Variants in ARHGAP6 observed in about 807,000 individuals in gnomAD.
ARHGAP6 encodes Rho GTPase activating protein 6.
In ARHGAP6, 16 loss-of-function variants were observed where a neutral mutation model predicts 55.7. That is an observed-to-expected ratio of 0.29 (90% CI 0.19 to 0.44). ARHGAP6 has a LOEUF of 0.44. ARHGAP6 is among the 20% of genes least tolerant of loss of function. ARHGAP6 has a pLI of 1.00. For synonymous variants in ARHGAP6, 382 were observed against 360.9 expected (o/e 1.06, Z -0.66); for missense variants, 698 against 808.9 (o/e 0.86, Z 1.66).
At chrX:11,218,881 CTATTT>C (rs2046919858) in intron 2 of ARHGAP6, among the ~76,000 whole-genome samples, 1 of 108,242 alleles carries the variant, frequency 9.2e-6, no homozygotes, top group African/African-American at 3.4e-5. Flanking sequence ...GGCTAGCAGT[CTATTT>C]TGTTTTTTTT....
At chrX:11,273,337 T>C (rs529909790) in intron 1 of ARHGAP6, among the ~76,000 whole-genome samples, 71 of 110,187 alleles carry the variant, frequency 6.4e-4, no homozygotes, top group Admixed American at 1.1e-3. Flanking sequence ...TTTCTTGACT[T>C]CCATGCCACC....
chrX:11,284,826 A>C (rs905778820), intron 1 of ARHGAP6, among the ~76,000 whole-genome samples: 4 of 111,192 alleles, frequency 3.6e-5, no homozygotes, highest in African/African-American at 1.3e-4. Flanking sequence ...AATATTTAAC[A>C]GCATCTCTGG....
rs775840815 is a variant in ARHGAP6 at position 11,176,526 on chromosome X, C to A, written c.1629+1574G>T. The stretch of plus-strand genomic sequence containing the variant: ...TCTGAAAATGATTCTAAAAGGGCAA[C>A]AATGAGTTCGATTGGAACTTTTGCT... On this transcript the variant is annotated intron_variant, in intron 8 of 12. Transcript: ENST00000337414. 8.5e-5 allele frequency among the ~76,000 whole-genome samples: 9 copies of A among 105,633 alleles called. No homozygotes were observed. The South Asian group carries it at 3.5e-3, about 41-fold the overall frequency. 91.7% of individuals were successfully genotyped at this position (105,633 alleles called of 115,157 possible).
intron 1 of ARHGAP6, among the ~76,000 whole-genome samples, chrX:11,309,719 A>G (rs1179172596): frequency 8.9e-6 from 1 of 111,948 alleles, no homozygotes; most frequent in Non-Finnish European, 1.9e-5. Flanking sequence ...CAGAATCTGA[A>G]GAACTCTTAC....
At chrX:11,300,687 T>G in intron 1 of ARHGAP6, 2 of 1,002,175 alleles carry the variant, frequency 2.0e-6, no homozygotes, top group Non-Finnish European at 1.4e-6. Context: ...TGATTTTTGC[T>G]TATAATCACT....
At chrX:11,339,831 C>A (rs1054841375) in intron 1 of ARHGAP6, among the ~76,000 whole-genome samples, 6 of 110,902 alleles carry the variant, frequency 5.4e-5, no homozygotes, top group Non-Finnish European at 1.1e-4. Flanking sequence ...TTTTCCAATA[C>A]AAACTTGTTT....
intron 1 of ARHGAP6, among the ~76,000 whole-genome samples, chrX:11,578,008 C>T (rs1054256815): frequency 1.8e-5 from 2 of 110,173 alleles, no homozygotes; most frequent in African/African-American, 3.3e-5. Flanking sequence ...CATGAGTGTA[C>T]TACTTAAATT....
At chrX:11,516,491 T>C (rs1403918648) in intron 1 of ARHGAP6, among the ~76,000 whole-genome samples, 1 of 112,244 alleles carries the variant, frequency 8.9e-6, no homozygotes, top group Non-Finnish European at 1.9e-5. Flanking sequence ...ATATTTTCAA[T>C]ATCTCACCAA....
intron 1 of ARHGAP6, among the ~76,000 whole-genome samples, chrX:11,505,192 A>C (rs962322256): frequency 9.0e-6 from 1 of 111,095 alleles, no homozygotes; most frequent in Non-Finnish European, 1.9e-5. Context: ...CAGCCTAGGC[A>C]GGTTGTGTTC....
intron 1 of ARHGAP6, among the ~76,000 whole-genome samples, chrX:11,407,825 G>A (rs1190543811): frequency 1.8e-5 from 2 of 111,546 alleles, no homozygotes; most frequent in Admixed American, 9.5e-5. Flanking sequence ...GGAGTTGAAC[G>A]GGGAGGAGGT....
intron 1 of ARHGAP6, among the ~76,000 whole-genome samples, chrX:11,275,362 G>A (rs1037480851): frequency 3.6e-5 from 4 of 111,581 alleles, no homozygotes; most frequent in African/African-American, 1.3e-4. Context: ...AATAAAATTA[G>A]GGGCAATGAT....
At chrX:11,358,467 TTCTTTCTTTCTTTCTTTC>T (rs1330117121) in intron 1 of ARHGAP6, among the ~76,000 whole-genome samples, 1 of 96,666 alleles carries the variant, frequency 1.0e-5, no homozygotes, top group African/African-American at 4.0e-5. Context: ...CTTTCTTTCT[TTCTTTCTTTCTTTCTTTC>T]TTTTTTTTTT....
At chrX:11,174,960 G>T (rs760082304) in intron 8 of ARHGAP6, among the ~76,000 whole-genome samples, 1 of 110,187 alleles carries the variant, frequency 9.1e-6, no homozygotes, top group South Asian at 3.9e-4. Flanking sequence ...CAAAGTGCTG[G>T]GATTACAGGC....
chrX:11,410,331 G>A (rs2049664649), intron 1 of ARHGAP6, among the ~76,000 whole-genome samples: 1 of 112,404 alleles, frequency 8.9e-6, no homozygotes, highest in Admixed American at 9.4e-5. Flanking sequence ...TGCAACATGG[G>A]TGAACCTCGA....
intron 1 of ARHGAP6, among the ~76,000 whole-genome samples, chrX:11,572,427 G>C (rs1382669778): frequency 4.5e-5 from 5 of 110,083 alleles, no homozygotes; most frequent in African/African-American, 1.7e-4. Context: ...CTATGAGTGA[G>C]AACACAAGGT....
chrX:11,380,438 G>A (rs1026157323), intron 1 of ARHGAP6, among the ~76,000 whole-genome samples: 15 of 111,835 alleles, frequency 1.3e-4, no homozygotes, highest in African/African-American at 4.9e-4. Context: ...ACTTCTATGC[G>A]ACAACGGAAC....
chrX:11,577,267 A>G, intron 1 of ARHGAP6, among the ~76,000 whole-genome samples: 1 of 112,207 alleles, frequency 8.9e-6, no homozygotes, highest in Non-Finnish European at 1.9e-5. Flanking sequence ...TAGGGGAGTG[A>G]GAGGCAATGA....
At position 11,188,797 on chromosome X, in the gene ARHGAP6, T is replaced by G. The variant is rs769576356; in HGVS notation, c.1008A>C (p.Ser336=). 2.6e-5 allele frequency: 32 copies of G among 1,210,170 alleles called. No homozygotes were observed. The highest frequency in any genetic ancestry group is 4.4e-5 in the Admixed American group (2 of 45,800). Residue 336 remains serine (S), a synonymous_variant, in exon 4 of 13, where the codon TCA becomes TCC. Coordinates refer to ENST00000337414, the MANE Select transcript of ARHGAP6 (RefSeq NM_013427.3). Reference sequence around the variant, plus strand: ...TTGACTCATTCGGTGTTTCTGAGGTTGAGCTGAGAGATGAGTTACTGCTTG... The same window carrying G: ...TTGACTCATTCGGTGTTTCTGAGGTGGAGCTGAGAGATGAGTTACTGCTTG... The part of the protein sequence containing the change: ...ELSSSNSSLS[S]TSETPNESTS...
Position 11,179,310 on chromosome X carries a change from T to G in ARHGAP6, c.1472A>C (p.Asn491Thr). The G allele has an allele frequency of 2.5e-6, 3 of 1,203,950 alleles. No individual in the cohort carries two copies. The highest frequency in any genetic ancestry group is 3.4e-6 in the Non-Finnish European group (3 of 891,745). Residue 491 changes from asparagine to threonine, a missense_variant, in exon 7 of 13, where the codon AAC (asparagine) becomes ACC (threonine). By Grantham distance (65) the Asn-to-Thr change is moderately conservative. Coordinates refer to ENST00000337414, the MANE Select transcript of ARHGAP6 (RefSeq NM_013427.3). ...ATGGCTGTATTACGCACAGAGAGTG[T>G]TGATGAAAGCTGTGTACAGCTCCCT... Reference protein sequence around the residue: ...LTRELYTAFINTLLLEPEEQL... With the variant: ...LTRELYTAFITTLLLEPEEQL...
Sources: gnomAD v4.1 joint callset for allele counts (sites outside exome capture counted in the v4.1 genomes callset) on GRCh38, gnomAD v4.1.1 for gene constraint, MANE v1.5 for transcripts, NCBI Gene and HGNC (gene_info 2026-07-23, HGNC 2026-07-21) for gene names.